Variants in CREB5 observed in about 807,000 individuals in gnomAD.
CREB5 encodes cAMP responsive element binding protein 5, also known as cyclic AMP-responsive element-binding protein 5.
In CREB5, 19 loss-of-function variants were observed where a neutral mutation model predicts 57.1. That is an observed-to-expected ratio of 0.33 (90% CI 0.23 to 0.49). The LOEUF (loss-of-function observed/expected upper bound fraction) is 0.49, where lower values mean the gene tolerates loss of function less well. Among genes scored for constraint, CREB5 ranks in the 20% least tolerant of loss-of-function variants. The pLI, the probability that CREB5 is intolerant of heterozygous loss-of-function variation, is 0.99. For missense variants in CREB5, 579 were observed against 671.6 expected (o/e 0.86, Z 1.52); for synonymous variants, 238 against 238.3 (o/e 1.00, Z 0.01).
At chr7:28,401,587 G>A (rs374390215) in intron 1 of CREB5, among the ~76,000 whole-genome samples, 8 of 151,840 alleles carry the variant, frequency 5.3e-5, no homozygotes, top group African/African-American at 9.7e-5. Flanking sequence ...GACAGGCCCC[G>A]GTGTGTGATG....
chr7:28,573,522 T>G (rs1460079964), intron 5 of CREB5, among the ~76,000 whole-genome samples: 1 of 152,206 alleles, frequency 6.6e-6, no homozygotes, highest in Non-Finnish European at 1.5e-5. Flanking sequence ...AGCGGGTGTG[T>G]TCATGGCTGA....
intron 7 of CREB5, among the ~76,000 whole-genome samples, chr7:28,774,312 GCATT>G (rs1806501731): frequency 6.6e-6 from 1 of 152,172 alleles, no homozygotes; most frequent in Admixed American, 6.5e-5. Flanking sequence ...CCATTTTTCT[GCATT>G]CATTTGTCAG....
At chr7:28,569,910 G>GTA (rs34823218) in intron 4 of CREB5, among the ~76,000 whole-genome samples, 36,715 of 151,884 alleles carry the variant, frequency 0.24, 4,652 homozygotes, top group Non-Finnish European at 0.26. Context: ...CTTAAAAAAT[G>GTA]TATATATATG....
chr7:28,696,420 T>C (rs1036169809), intron 5 of CREB5, among the ~76,000 whole-genome samples: 7 of 152,302 alleles, frequency 4.6e-5, no homozygotes, highest in African/African-American at 1.7e-4. Flanking sequence ...CTCTTTTTCT[T>C]CATTCGTTTC....
intron 1 of CREB5, among the ~76,000 whole-genome samples, chr7:28,460,213 A>G (rs1562731873): frequency 6.6e-6 from 1 of 152,208 alleles, no homozygotes; most frequent in Admixed American, 6.5e-5. Context: ...TTATGTTTAT[A>G]AAAGGAAATA....
In CREB5 at chr7:28,634,704, A is replaced by G. The variant is rs556917031; in HGVS notation, c.464+64167A>G. On this transcript the variant is annotated intron_variant, in intron 5 of 10. Coordinates refer to ENST00000357727, the MANE Select transcript of CREB5 (RefSeq NM_182898.4). ...TCTCTTTTTTCCATGGGCTGCATTC[A>G]TACCTACCCATTTTTCAAGTTCTGC... Among the ~76,000 whole-genome samples the G allele has an allele frequency of 2.8e-4, 43 of 152,228 alleles. 1 individual carries two copies. Among genetic ancestry groups the G allele is most frequent in the African/African-American group, 1.0e-3 (42 of 41,558 alleles).
At chr7:28,505,912 A>G (rs1792461581) in intron 3 of CREB5, among the ~76,000 whole-genome samples, 1 of 152,220 alleles carries the variant, frequency 6.6e-6, no homozygotes, top group Admixed American at 6.5e-5. Flanking sequence ...GTGCCTCTTA[A>G]TAAATAAATT....
chr7:28,538,212 C>A (rs546251028), intron 4 of CREB5, among the ~76,000 whole-genome samples: 13 of 152,282 alleles, frequency 8.5e-5, no homozygotes, highest in Non-Finnish European at 1.6e-4. Flanking sequence ...CCCCACCACG[C>A]CCAGCTAATT....
intron 5 of CREB5, among the ~76,000 whole-genome samples, chr7:28,584,323 C>A (rs1409931542): frequency 6.6e-6 from 1 of 152,122 alleles, no homozygotes. Context: ...AACCCCTGGC[C>A]CCTGCGGATG....
At chr7:28,391,565 A>G (rs1428071513) in intron 1 of CREB5, among the ~76,000 whole-genome samples, 4 of 152,170 alleles carry the variant, frequency 2.6e-5, no homozygotes, top group Non-Finnish European at 5.9e-5. Context: ...TGCCACCACA[A>G]ACTTTGCTGT....
At chr7:28,654,299 C>T (rs1001644107) in intron 5 of CREB5, among the ~76,000 whole-genome samples, 13 of 152,208 alleles carry the variant, frequency 8.5e-5, no homozygotes, top group Non-Finnish European at 1.6e-4. Context: ...TGACACCACT[C>T]GAACAGCTGG....
At chr7:28,772,123 A>T (rs1317346108) in intron 7 of CREB5, among the ~76,000 whole-genome samples, 1 of 152,186 alleles carries the variant, frequency 6.6e-6, no homozygotes, top group African/African-American at 2.4e-5. Flanking sequence ...AGTTTCACTT[A>T]TAAAATCCAC....
At chr7:28,364,846 C>G (rs1229236270) in intron 1 of CREB5, among the ~76,000 whole-genome samples, 2 of 152,186 alleles carry the variant, frequency 1.3e-5, no homozygotes, top group African/African-American at 4.8e-5. Context: ...TTTCAGAAAT[C>G]ACAACTCTTC....
intron 1 of CREB5, among the ~76,000 whole-genome samples, chr7:28,314,266 T>A (rs909495000): frequency 6.6e-6 from 1 of 152,222 alleles, no homozygotes; most frequent in African/African-American, 2.4e-5. Context: ...AAACCAGACA[T>A]GTTTTAGGAA....
At chr7:28,491,241 A>G (rs760472026) in intron 2 of CREB5, 16 of 985,388 alleles carry the variant, frequency 1.6e-5, no homozygotes, top group Non-Finnish European at 7.2e-6. Flanking sequence ...TGTCAAGAAC[A>G]AGAAACCAGT....
intron 1 of CREB5, among the ~76,000 whole-genome samples, chr7:28,382,825 A>G (rs1373227900): frequency 2.6e-5 from 4 of 151,982 alleles, no homozygotes; most frequent in Non-Finnish European, 4.4e-5. Flanking sequence ...ATACGAGATC[A>G]AGAGAACGGG....
At chr7:28,482,169 TC>T (rs1419117618) in intron 1 of CREB5, among the ~76,000 whole-genome samples, 1 of 152,134 alleles carries the variant, frequency 6.6e-6, no homozygotes, top group Non-Finnish European at 1.5e-5. Context: ...AGATGCAATA[TC>T]CCTCCCAAAG....
chr7:28,561,382 G>T (rs1795265573), intron 4 of CREB5, among the ~76,000 whole-genome samples: 1 of 152,182 alleles, frequency 6.6e-6, no homozygotes, highest in African/African-American at 2.4e-5. Flanking sequence ...GGACCAAGGA[G>T]TAGTTAGCTG....
intron 1 of CREB5, among the ~76,000 whole-genome samples, chr7:28,471,373 A>T (rs1790798180): frequency 6.6e-6 from 1 of 152,006 alleles, no homozygotes; most frequent in South Asian, 2.1e-4. Flanking sequence ...ATTGAAAATG[A>T]GTTCACTGTA....
Sources: allele counts gnomAD v4.1 joint callset (sites outside exome capture counted in the v4.1 genomes callset), GRCh38; gene constraint gnomAD v4.1.1; transcripts MANE v1.5; gene names NCBI Gene and HGNC (gene_info 2026-07-23, HGNC 2026-07-21).